LRBA: variants seen among roughly 807,000 people sequenced by gnomAD.
LRBA encodes lipopolysaccharide-responsive and beige-like anchor protein.
In LRBA, 176 loss-of-function variants were observed where a neutral mutation model predicts 330.0. That is an observed-to-expected ratio of 0.53 (90% CI 0.47 to 0.60). LRBA has a LOEUF of 0.60. Among genes scored for constraint, LRBA ranks in the 20% least tolerant of loss-of-function variants. The pLI, the probability that LRBA is intolerant of heterozygous loss-of-function variation, is 0.00. For synonymous variants in LRBA, 1,230 were observed against 1,193.0 expected, an observed-to-expected ratio of 1.03 and a Z score of -0.64; for missense variants, 3,259 against 3,444.8, an observed-to-expected ratio of 0.95 and a Z score of 1.35.
At chr4:150,335,504 CACACACAT>C (rs2126986959) in intron 48 of LRBA, among the ~76,000 whole-genome samples, 1 of 97,564 alleles carries the variant, frequency 1.0e-5, no homozygotes, top group Admixed American at 9.9e-5. Context: ...TATATATATA[CACACACAT>C]ATACGTATTA....
At chr4:150,884,738 TAG>T (rs1728764695) in intron 17 of LRBA, among the ~76,000 whole-genome samples, 1 of 151,964 alleles carries the variant, frequency 6.6e-6, no homozygotes, top group Non-Finnish European at 1.5e-5. Flanking sequence ...AAAAAAAGTC[TAG>T]AGTTGCCCAG....
At chr4:150,723,724 G>A (rs374782333) in intron 36 of LRBA, among the ~76,000 whole-genome samples, 45 of 152,270 alleles carry the variant, frequency 3.0e-4, no homozygotes, top group African/African-American at 1.1e-3. Context: ...GTACCAGCTC[G>A]GCTACATGGG....
intron 55 of LRBA, among the ~76,000 whole-genome samples, chr4:150,280,971 G>A (rs1350707714): frequency 6.6e-6 from 1 of 152,214 alleles, no homozygotes; most frequent in Non-Finnish European, 1.5e-5. Context: ...AATCCAGTGG[G>A]AAATATTAAA....
chr4:150,755,803 T>C (rs1279110061), intron 35 of LRBA, among the ~76,000 whole-genome samples: 1 of 151,746 alleles, frequency 6.6e-6, no homozygotes, highest in Non-Finnish European at 1.5e-5. Flanking sequence ...TCCCAGCACT[T>C]TGGGAGGCTG....
chr4:150,322,320 T>C (rs1183001308), intron 49 of LRBA, among the ~76,000 whole-genome samples: 1 of 152,220 alleles, frequency 6.6e-6, no homozygotes, highest in African/African-American at 2.4e-5. Flanking sequence ...TATATAACAC[T>C]GCTCTGATTT....
chr4:150,299,021 A>C (rs1241447454), intron 53 of LRBA, among the ~76,000 whole-genome samples: 1 of 152,088 alleles, frequency 6.6e-6, no homozygotes, highest in Non-Finnish European at 1.5e-5. Flanking sequence ...TGCTTATCTA[A>C]ATAAGATCAT....
intron 44 of LRBA, among the ~76,000 whole-genome samples, chr4:150,463,496 G>A (rs1755037920): frequency 1.3e-5 from 2 of 151,946 alleles, no homozygotes; most frequent in Non-Finnish European, 2.9e-5. Flanking sequence ...GGACATATTT[G>A]GATAGAGGTT....
chr4:150,884,936 C>G (rs560439078), intron 17 of LRBA, among the ~76,000 whole-genome samples: 8 of 151,778 alleles, frequency 5.3e-5, no homozygotes, highest in African/African-American at 1.9e-4. Context: ...TTGAATGAAA[C>G]AGATTAACAA....
At chr4:150,694,555 G>C (rs1205830493) in intron 36 of LRBA, among the ~76,000 whole-genome samples, 3 of 144,552 alleles carry the variant, frequency 2.1e-5, no homozygotes, top group African/African-American at 5.1e-5. Flanking sequence ...GCAAACAAAA[G>C]TCAACCAATG....
intron 36 of LRBA, among the ~76,000 whole-genome samples, chr4:150,704,747 T>C (rs868708048): frequency 1.3e-5 from 2 of 152,178 alleles, no homozygotes; most frequent in African/African-American, 2.4e-5. Context: ...TTGTAATAAA[T>C]TGATAATCAC....
intron 40 of LRBA, among the ~76,000 whole-genome samples, chr4:150,567,299 T>C (rs1432333050): frequency 2.0e-5 from 3 of 152,100 alleles, no homozygotes; most frequent in African/African-American, 7.2e-5. Context: ...AAGATGCTCT[T>C]TTGAAAATTA....
chr4:150,648,175 A>C (rs868615995), intron 37 of LRBA, among the ~76,000 whole-genome samples: 1 of 146,324 alleles, frequency 6.8e-6, no homozygotes, highest in African/African-American at 2.4e-5. Context: ...AAAAAAAAAA[A>C]AACTAGAAAA....
chr4:150,812,817 T>C (rs1166738450), intron 31 of LRBA, among the ~76,000 whole-genome samples: 2 of 152,190 alleles, frequency 1.3e-5, no homozygotes, highest in African/African-American at 4.8e-5. Context: ...GTTCCACTAT[T>C]GAGCTAGTTT....
chr4:150,710,384 A>G (rs1446300095), intron 36 of LRBA, among the ~76,000 whole-genome samples: 2 of 152,122 alleles, frequency 1.3e-5, no homozygotes, highest in Admixed American at 1.3e-4. Context: ...CTTATAAGAA[A>G]TTTCAAGTGG....
At chr4:150,348,136 C>A (rs184380803) in intron 48 of LRBA, among the ~76,000 whole-genome samples, 1 of 152,166 alleles carries the variant, frequency 6.6e-6, no homozygotes, top group Non-Finnish European at 1.5e-5. Context: ...GATTAACGCA[C>A]AGTAAACTTC....
intron 47 of LRBA, among the ~76,000 whole-genome samples, chr4:150,354,356 C>T (rs193150609): frequency 1.6e-4 from 24 of 151,988 alleles, no homozygotes; most frequent in Middle Eastern, 3.4e-3. Flanking sequence ...CCTTCAAAAC[C>T]GACAGTCCTC....
chr4:150,556,644 T>A (rs1416389434), intron 40 of LRBA, among the ~76,000 whole-genome samples: 1 of 152,222 alleles, frequency 6.6e-6, no homozygotes, highest in Non-Finnish European at 1.5e-5. Flanking sequence ...ATTACAATTT[T>A]CCCTATGAAA....
At chr4:150,361,334 G>A (rs1738662842) in intron 47 of LRBA, among the ~76,000 whole-genome samples, 1 of 152,146 alleles carries the variant, frequency 6.6e-6, no homozygotes, top group Non-Finnish European at 1.5e-5. Flanking sequence ...GTCAACAATA[G>A]AGACTTCTTG....
intron 47 of LRBA, among the ~76,000 whole-genome samples, chr4:150,404,109 C>G (rs1326352337): frequency 6.6e-6 from 1 of 152,118 alleles, no homozygotes; most frequent in Non-Finnish European, 1.5e-5. Context: ...CTATTGATAT[C>G]ATGAGCAGCC....
Sources: gnomAD v4.1 joint callset for allele counts (sites outside exome capture counted in the v4.1 genomes callset) on GRCh38, gnomAD v4.1.1 for gene constraint, MANE v1.5 for transcripts, NCBI Gene and HGNC (gene_info 2026-07-23, HGNC 2026-07-21) for gene names.